Variants in CEP128 observed in about 807,000 individuals in gnomAD.
CEP128 encodes the protein centrosomal protein 128, also known as centrosomal protein 128kDa.
Under a neutral mutation model 156.7 loss-of-function variants are expected in CEP128, and 132 were observed. The observed-to-expected ratio is 0.84, with a 90% confidence interval of 0.73 to 0.97. CEP128 has a LOEUF of 0.97. Among genes scored for constraint, CEP128 ranks in the 50% least tolerant of loss-of-function variants. The pLI is 0.00. For synonymous variants in CEP128, 469 were observed against 448.9 expected (o/e 1.04, Z -0.57); for missense variants, 1,252 against 1,281.9 (o/e 0.98, Z 0.36).
At chr14:80,930,805 A>G (rs1885417667) in intron 2 of CEP128, among the ~76,000 whole-genome samples, 1 of 152,248 alleles carries the variant, frequency 6.6e-6, no homozygotes. Context: ...CTGTACTGCG[A>G]GCATCATTCT....
intron 19 of CEP128, among the ~76,000 whole-genome samples, chr14:80,654,005 A>T (rs550589988): frequency 1.3e-5 from 2 of 152,240 alleles, no homozygotes; most frequent in African/African-American, 4.8e-5. Context: ...AATGACGTAT[A>T]ATGTATTTCT....
intron 19 of CEP128, among the ~76,000 whole-genome samples, chr14:80,624,458 G>C (rs2140679740): frequency 6.6e-6 from 1 of 152,242 alleles, no homozygotes; most frequent in South Asian, 2.1e-4. Context: ...GGGATTGCTT[G>C]ATTGTAAGGT....
chr14:80,603,723 A>G (rs1892670804), intron 19 of CEP128, among the ~76,000 whole-genome samples: 1 of 152,170 alleles, frequency 6.6e-6, no homozygotes, highest in South Asian at 2.1e-4. Context: ...ATTATTATCA[A>G]TTATGAATAT....
intron 19 of CEP128, among the ~76,000 whole-genome samples, chr14:80,636,433 A>G (rs932585838): frequency 2.6e-5 from 4 of 152,198 alleles, no homozygotes; most frequent in Non-Finnish European, 5.9e-5. Context: ...TATGCAGCTC[A>G]AAATGCCTCT....
intron 2 of CEP128, among the ~76,000 whole-genome samples, chr14:80,926,499 C>T (rs1048143067): frequency 1.3e-5 from 2 of 152,174 alleles, no homozygotes; most frequent in African/African-American, 4.8e-5. Flanking sequence ...CCACTATTTG[C>T]ACTCAAACGT....
intron 2 of CEP128, among the ~76,000 whole-genome samples, chr14:80,954,788 T>A (rs186022426): frequency 2.0e-3 from 298 of 152,332 alleles, no homozygotes; most frequent in Admixed American, 4.4e-3. Context: ...GCCACTTAAG[T>A]ATTATTTTTC....
At chr14:80,897,204 G>T (rs1368794984) in intron 7 of CEP128, among the ~76,000 whole-genome samples, 1 of 152,090 alleles carries the variant, frequency 6.6e-6, no homozygotes, top group African/African-American at 2.4e-5. Context: ...CCCCTTTCTT[G>T]GCTTTTGTGG....
At position 80,777,840 on chromosome 14, in the gene CEP128, T is replaced by C. The variant is rs772529670; in HGVS notation, c.2376+42A>G. ...AAATATTTTCTAGAGGAAATTAAAA[T>C]TGAAATTAGAATTTGAAATTAGAAT... On this transcript the variant is annotated intron_variant, in intron 16 of 24. Coordinates refer to ENST00000555265, the MANE Select transcript of CEP128 (RefSeq NM_152446.5). 7.2e-6 allele frequency: 10 copies of C among 1,387,558 alleles called. No individual in the cohort carries two copies. The East Asian group carries it at 2.3e-4, about 32-fold the overall frequency. 86.0% of individuals were successfully genotyped at this position (1,387,558 alleles called of 1,614,324 possible).
intron 9 of CEP128, among the ~76,000 whole-genome samples, chr14:80,841,355 A>G (rs1413579973): frequency 6.6e-6 from 1 of 152,098 alleles, no homozygotes; most frequent in Non-Finnish European, 1.5e-5. Context: ...ATCAACAGAA[A>G]AACAATTTTT....
At chr14:80,658,006 TA>T (rs142665364) in intron 19 of CEP128, among the ~76,000 whole-genome samples, 1 of 151,960 alleles carries the variant, frequency 6.6e-6, no homozygotes, top group East Asian at 1.9e-4. Context: ...GTGACAGCGT[TA>T]AAAAAAAGTA....
intron 24 of CEP128, among the ~76,000 whole-genome samples, chr14:80,498,538 A>T (rs1887595877): frequency 6.6e-6 from 1 of 151,874 alleles, no homozygotes; most frequent in Non-Finnish European, 1.5e-5. Flanking sequence ...TCTTCTCTGG[A>T]GCTTTTGTAC....
chr14:80,549,148 A>C (rs903126849), intron 21 of CEP128, among the ~76,000 whole-genome samples: 2 of 152,200 alleles, frequency 1.3e-5, no homozygotes, highest in Non-Finnish European at 2.9e-5. Flanking sequence ...GAGAATGTCT[A>C]GATTGTTTCA....
chr14:80,844,898 C>T lies in CEP128; in HGVS notation c.763-4130G>A, dbSNP rs571050077. ...CCAATGAACAAACTTCTTGGTTCCA[C>T]TATGCCCATACCTACGGAATCCACC... On this transcript the variant is annotated intron_variant, in intron 9 of 24. Transcript: ENST00000555265. 3.0e-4 allele frequency among the ~76,000 whole-genome samples: 46 copies of T among 152,018 alleles called. 1 individual carries two copies. Among genetic ancestry groups the T allele is most frequent in the African/African-American group, 1.1e-3 (45 of 41,474 alleles).
intron 13 of CEP128, among the ~76,000 whole-genome samples, chr14:80,819,947 C>T (rs529945432): frequency 5.9e-5 from 9 of 152,048 alleles, no homozygotes; most frequent in Non-Finnish European, 1.0e-4. Flanking sequence ...TGAAACCAAA[C>T]TACATATGAA....
intron 21 of CEP128, among the ~76,000 whole-genome samples, chr14:80,540,205 C>A (rs557640744): frequency 8.0e-5 from 12 of 150,634 alleles, no homozygotes; most frequent in African/African-American, 1.7e-4. Context: ...ACACCCCCCC[C>A]CCTTTTGAAA....
chr14:80,871,587 A>G (rs915497532), intron 8 of CEP128, among the ~76,000 whole-genome samples: 4 of 152,148 alleles, frequency 2.6e-5, no homozygotes, highest in Non-Finnish European at 4.4e-5. Context: ...ACATATATTT[A>G]TAGCTTTTGA....
intron 11 of CEP128, 137 bp from the exon 12 acceptor site, chr14:80,836,474 C>G (rs1886084523): frequency 1.2e-6 from 1 of 812,440 alleles, no homozygotes; most frequent in African/African-American, 1.7e-5. Context: ...GCTCCATTTC[C>G]TCATTCCTCT....
intron 14 of CEP128, among the ~76,000 whole-genome samples, chr14:80,788,982 A>T (rs953033577): frequency 3.3e-5 from 5 of 152,158 alleles, no homozygotes; most frequent in Non-Finnish European, 7.3e-5. Flanking sequence ...TACATTAATT[A>T]TTGAATGGAA....
upstream of CEP128, among the ~76,000 whole-genome samples, chr14:80,945,142 G>C (rs1880610692): frequency 1.3e-5 from 2 of 152,140 alleles, no homozygotes; most frequent in South Asian, 4.1e-4. Flanking sequence ...GTGTCAGCAA[G>C]TTTAGGTTCT....
Sources: gnomAD v4.1 joint callset for allele counts (sites outside exome capture counted in the v4.1 genomes callset) on GRCh38, gnomAD v4.1.1 for gene constraint, MANE v1.5 for transcripts, NCBI Gene and HGNC (gene_info 2026-07-23, HGNC 2026-07-21) for gene names.